Variants in RYR2 observed in about 807,000 individuals in gnomAD.
The protein encoded by RYR2 is ryanodine receptor 2, also known as cardiac muscle ryanodine receptor-calcium release channel.
RYR2 carries 227 observed loss-of-function variants against 601.1 expected under a neutral mutation model. That is an observed-to-expected ratio of 0.38 (90% CI 0.34 to 0.42). The LOEUF (loss-of-function observed/expected upper bound fraction) is 0.42. Among genes scored for constraint, RYR2 ranks in the 10% least tolerant of loss-of-function variants. The probability of loss-of-function intolerance (pLI) is 1.00; values close to 1 mark genes in which losing one functional copy is unlikely to be tolerated. For synonymous variants in RYR2, 2,223 were observed against 2,175.1 expected (o/e 1.02, Z -0.61); for missense variants, 4,646 against 6,156.5 (o/e 0.75, Z 8.21).
At chr1:237,320,837 G>A (rs1695555840) in intron 2 of RYR2, among the ~76,000 whole-genome samples, 1 of 152,186 alleles carries the variant, frequency 6.6e-6, no homozygotes, top group Non-Finnish European at 1.5e-5. Context: ...TCCCAGAGGA[G>A]CTCATGTGAG....
At chr1:237,259,529 T>A (rs1389997946) in intron 1 of RYR2, among the ~76,000 whole-genome samples, 13 of 33,976 alleles carry the variant, frequency 3.8e-4, no homozygotes, top group South Asian at 2.0e-3. Flanking sequence ...CTAGACCATT[T>A]AAAAAAAAAA....
chr1:237,774,695 T>G (rs1362558571), intron 87 of RYR2, among the ~76,000 whole-genome samples: 4 of 152,238 alleles, frequency 2.6e-5, no homozygotes, highest in Non-Finnish European at 5.9e-5. Context: ...TTACCTCTCC[T>G]GGCTTCCATT....
chr1:237,781,297 G>A (rs760702499), intron 88 of RYR2, among the ~76,000 whole-genome samples: 4 of 152,142 alleles, frequency 2.6e-5, no homozygotes, highest in East Asian at 1.9e-4. Context: ...TGATCTGTGC[G>A]CCTCGGCCTC....
intron 100 of RYR2, among the ~76,000 whole-genome samples, chr1:237,811,236 T>A (rs1466652187): frequency 6.6e-6 from 1 of 152,202 alleles, no homozygotes; most frequent in Non-Finnish European, 1.5e-5. Context: ...TACAGGTGGC[T>A]GACCTGAGGG....
In RYR2 at chr1:237,818,983, A is replaced by G. The variant is rs1334807466; in HGVS notation, c.14434-53A>G. 5 of 1,460,248 alleles carry G rather than the reference A, an allele frequency of 3.4e-6. No homozygotes were observed. The Admixed American group carries it at 9.9e-5, about 29-fold the overall frequency. The allele number at this position is 1,460,248 out of a possible 1,614,324, so 90.5% of individuals were successfully genotyped here. A position where few individuals can be genotyped will look rare whatever the true frequency, so the allele number is the denominator to read the frequency against. On this transcript the variant is annotated intron_variant, in intron 100 of 104. Coordinates refer to ENST00000366574, the MANE Select transcript of RYR2 (RefSeq NM_001035.3). The stretch of plus-strand genomic sequence containing the variant: ...ACAGAGATAACTCGGGTTTGTCGAG[A>G]AAAAAAAATGGGTAATGTCCCTCCA...
chr1:237,062,564 A>C (rs917804660), intron 1 of RYR2, among the ~76,000 whole-genome samples: 3 of 151,758 alleles, frequency 2.0e-5, no homozygotes, highest in Non-Finnish European at 4.4e-5. Context: ...TTTACATTTG[A>C]CCTTGTATCT....
chr1:237,618,909 A>G (rs1463577455), intron 38 of RYR2, among the ~76,000 whole-genome samples: 1 of 152,180 alleles, frequency 6.6e-6, no homozygotes, highest in Non-Finnish European at 1.5e-5. Flanking sequence ...GGTTCACATC[A>G]GTACAGGTCT....
At chr1:237,603,385 A>G (rs1676726468) in intron 35 of RYR2, among the ~76,000 whole-genome samples, 1 of 152,138 alleles carries the variant, frequency 6.6e-6, no homozygotes, top group African/African-American at 2.4e-5. Context: ...GAGGTGAAAT[A>G]CCACTACTCT....
intron 79 of RYR2, among the ~76,000 whole-genome samples, chr1:237,739,457 C>T (rs1442137646): frequency 6.6e-6 from 1 of 152,066 alleles, no homozygotes; most frequent in Non-Finnish European, 1.5e-5. Context: ...GTGGTTTTAC[C>T]AATTTGAATA....
At chr1:237,140,802 G>T (rs1673307105) in intron 1 of RYR2, among the ~76,000 whole-genome samples, 1 of 152,170 alleles carries the variant, frequency 6.6e-6, no homozygotes, top group African/African-American at 2.4e-5. Context: ...TGGAGTATCT[G>T]CATAAAGTCC....
chr1:237,110,022 C>T (rs1669270018), intron 1 of RYR2, among the ~76,000 whole-genome samples: 4 of 152,264 alleles, frequency 2.6e-5, no homozygotes, highest in Admixed American at 6.5e-5. Context: ...ATCCCCCGGC[C>T]CCACTTTCTA....
chr1:237,287,180 T>A (rs6682911), intron 2 of RYR2, among the ~76,000 whole-genome samples: 1 of 152,084 alleles, frequency 6.6e-6, no homozygotes, highest in Non-Finnish European at 1.5e-5. Flanking sequence ...AGAAATCTGC[T>A]GTTAATCTGA....
intron 2 of RYR2, among the ~76,000 whole-genome samples, chr1:237,276,121 A>G (rs1690259071): frequency 6.6e-6 from 1 of 152,070 alleles, no homozygotes; most frequent in Non-Finnish European, 1.5e-5. Context: ...TTTTTTTGAG[A>G]TGGAGTCTCG....
At chr1:237,714,624 T>C (rs1303635198) in intron 71 of RYR2, among the ~76,000 whole-genome samples, 1 of 152,136 alleles carries the variant, frequency 6.6e-6, no homozygotes, top group African/African-American at 2.4e-5. Context: ...CATATTTGTA[T>C]GTTTGTGGGT....
chr1:237,274,685 A>G (rs990521616), intron 2 of RYR2, among the ~76,000 whole-genome samples: 10 of 152,202 alleles, frequency 6.6e-5, no homozygotes, highest in Admixed American at 2.0e-4. Flanking sequence ...TTCACCCACC[A>G]CTCACTCACT....
intron 1 of RYR2, among the ~76,000 whole-genome samples, chr1:237,127,984 G>T (rs1159377942): frequency 2.0e-5 from 3 of 152,260 alleles, no homozygotes; most frequent in African/African-American, 7.2e-5. Flanking sequence ...AGATGGGGTG[G>T]CGGCCGGGCA....
At chr1:237,562,616 A>G (rs1671569610) in intron 27 of RYR2, among the ~76,000 whole-genome samples, 1 of 152,180 alleles carries the variant, frequency 6.6e-6, no homozygotes, top group Non-Finnish European at 1.5e-5. Context: ...TGCTTTGAAT[A>G]CCAACAGACT....
chr1:237,347,274 G>C (rs1698386316), intron 3 of RYR2, among the ~76,000 whole-genome samples: 1 of 152,058 alleles, frequency 6.6e-6, no homozygotes. Context: ...ACTGAGCTAT[G>C]ATTGTACCAC....
intron 1 of RYR2, among the ~76,000 whole-genome samples, chr1:237,224,756 G>T (rs770653897): frequency 6.6e-6 from 1 of 152,046 alleles, no homozygotes; most frequent in Non-Finnish European, 1.5e-5. Flanking sequence ...GCTACTAGAG[G>T]GGCTAAAGTG....
Sources: gnomAD v4.1 joint callset for allele counts (sites outside exome capture counted in the v4.1 genomes callset) on GRCh38, gnomAD v4.1.1 for gene constraint, MANE v1.5 for transcripts, NCBI Gene and HGNC (gene_info 2026-07-23, HGNC 2026-07-21) for gene names.